KCNMB2: variants seen among roughly 807,000 people sequenced by gnomAD.
KCNMB2 encodes potassium calcium-activated channel subfamily M regulatory beta subunit 2.
In KCNMB2, 9 loss-of-function variants were observed where a neutral mutation model predicts 24.5. That is an observed-to-expected ratio of 0.37 (90% CI 0.22 to 0.64). KCNMB2 has a LOEUF of 0.64. Ranked by LOEUF, KCNMB2 falls within the 30% of genes least tolerant of loss-of-function variation. KCNMB2 has a pLI of 0.63. For missense variants in KCNMB2, 226 were observed against 284.3 expected (o/e 0.79, Z 1.47); for synonymous variants, 109 against 104.4 (o/e 1.04, Z -0.27).
chr3:178,772,563 G>A (rs145747533), intron 1 of KCNMB2, among the ~76,000 whole-genome samples: 24 of 152,304 alleles, frequency 1.6e-4, no homozygotes, highest in East Asian at 5.8e-4. Context: ...TCCCAGCCAC[G>A]TAGAACTGTA....
At chr3:178,678,261 T>C (rs1427863794) in intron 1 of KCNMB2, among the ~76,000 whole-genome samples, 5 of 152,186 alleles carry the variant, frequency 3.3e-5, no homozygotes, top group African/African-American at 7.2e-5. Flanking sequence ...AGTTAGAACA[T>C]AGTTTATTCT....
intron 1 of KCNMB2, among the ~76,000 whole-genome samples, chr3:178,556,287 T>C (rs1716121504): frequency 6.6e-6 from 1 of 152,206 alleles, no homozygotes; most frequent in Non-Finnish European, 1.5e-5. Flanking sequence ...GATGTGGTCA[T>C]TTAAACTTAA....
At chr3:178,774,319 A>AAAAG (rs202058197) in intron 1 of KCNMB2, among the ~76,000 whole-genome samples, 22 of 152,182 alleles carry the variant, frequency 1.4e-4, no homozygotes, top group East Asian at 1.9e-4. Flanking sequence ...ACAAGGTGAA[A>AAAAG]AAAGAAAGAA....
At chr3:178,757,066 C>A (rs1008617147) in intron 1 of KCNMB2, 1 of 150,820 alleles carries the variant, frequency 6.6e-6, no homozygotes. Flanking sequence ...CTCATTACAC[C>A]CATCCTTGCT....
chr3:178,617,598 C>G (rs1470354070), intron 1 of KCNMB2, among the ~76,000 whole-genome samples: 1 of 147,118 alleles, frequency 6.8e-6, no homozygotes, highest in East Asian at 2.1e-4. Flanking sequence ...CAAAAGAAAA[C>G]CCAACACCCA....
At chr3:178,715,266 T>A (rs1439193789) in intron 1 of KCNMB2, among the ~76,000 whole-genome samples, 1 of 152,154 alleles carries the variant, frequency 6.6e-6, no homozygotes, top group Non-Finnish European at 1.5e-5. Flanking sequence ...AGAAGAAAAT[T>A]TAACTCCTAA....
chr3:178,590,496 T>A (rs900033609), intron 1 of KCNMB2, among the ~76,000 whole-genome samples: 29 of 152,210 alleles, frequency 1.9e-4, no homozygotes, highest in Admixed American at 1.9e-3. Flanking sequence ...TTAACTTTTT[T>A]AAAAAATTAA....
At chr3:178,739,795 G>A (rs1222461697) in intron 1 of KCNMB2, among the ~76,000 whole-genome samples, 2 of 152,152 alleles carry the variant, frequency 1.3e-5, no homozygotes, top group Non-Finnish European at 2.9e-5. Flanking sequence ...GCATAAAAGA[G>A]ATGAAGGGAA....
intron 1 of KCNMB2, among the ~76,000 whole-genome samples, chr3:178,730,413 A>G (rs377436298): frequency 1.2e-5 from 1 of 82,326 alleles, no homozygotes; most frequent in African/African-American, 4.7e-5. Context: ...ACACCCCCCC[A>G]CACACACACA....
chr3:178,606,463 T>G (rs1718273683), intron 1 of KCNMB2, among the ~76,000 whole-genome samples: 1 of 115,814 alleles, frequency 8.6e-6, no homozygotes, highest in African/African-American at 4.2e-5. Context: ...GCCTTTCTTC[T>G]TTCCTATTTC....
chr3:178,724,904 A>G (rs1447452545), intron 1 of KCNMB2, among the ~76,000 whole-genome samples: 1 of 152,194 alleles, frequency 6.6e-6, no homozygotes, highest in East Asian at 1.9e-4. Flanking sequence ...TGGTTACTGT[A>G]GCTTTGTAGT....
chr3:178,723,691 C>T (rs1380109331), intron 1 of KCNMB2, among the ~76,000 whole-genome samples: 1 of 152,104 alleles, frequency 6.6e-6, no homozygotes, highest in South Asian at 2.1e-4. Flanking sequence ...ATCTTTGTGT[C>T]CATGTATACC....
At chr3:178,604,517 T>C (rs996596962) in intron 1 of KCNMB2, among the ~76,000 whole-genome samples, 1 of 152,164 alleles carries the variant, frequency 6.6e-6, no homozygotes, top group African/African-American at 2.4e-5. Context: ...TAACCTAAAA[T>C]TACCCTATGG....
intron 4 of KCNMB2, among the ~76,000 whole-genome samples, chr3:178,836,149 C>T (rs1485382105): frequency 6.6e-6 from 1 of 152,028 alleles, no homozygotes; most frequent in African/African-American, 2.4e-5. Context: ...TTTCTTACTG[C>T]CTCCTCCCTT....
chr3:178,618,500 G>T (rs976577804), intron 1 of KCNMB2, among the ~76,000 whole-genome samples: 1 of 152,142 alleles, frequency 6.6e-6, no homozygotes, highest in Admixed American at 6.6e-5. Flanking sequence ...TTGCATTCAG[G>T]GGTCAAGCAT....
At chr3:178,619,134 A>G (rs776514947) in intron 1 of KCNMB2, among the ~76,000 whole-genome samples, 14 of 152,250 alleles carry the variant, frequency 9.2e-5, no homozygotes, top group Non-Finnish European at 1.9e-4. Context: ...CTGAGGATAC[A>G]GAGTAGAGCA....
chr3:178,559,331 T>G (rs1303018900), intron 1 of KCNMB2, among the ~76,000 whole-genome samples: 2 of 152,116 alleles, frequency 1.3e-5, no homozygotes, highest in African/African-American at 4.8e-5. Context: ...TGATGTTAAT[T>G]CACAAGTCTC....
rs1317130322 is a variant in KCNMB2, at chr3:178,741,035, GGAGT to G, written c.-67-66304_-67-66301del. 7.2e-5 allele frequency among the ~76,000 whole-genome samples: 11 copies of G among 152,284 alleles called. 1 individual carries two copies. The highest frequency in any genetic ancestry group is 2.2e-4 in the African/African-American group (9 of 41,572). On this transcript the variant is annotated intron_variant, in intron 1 of 4. Transcript: ENST00000452583. ...GAAACGCATGAAAGCCCAAAAGTAA[GGAGT>G]GAGAGAGAAATATCCTCGACTGTCT...
intron 1 of KCNMB2, among the ~76,000 whole-genome samples, chr3:178,657,506 C>T (rs1042414735): frequency 7.9e-5 from 12 of 152,190 alleles, no homozygotes; most frequent in Non-Finnish European, 1.3e-4. Context: ...CTACCTCAAA[C>T]GAGACCCTTT....
Sources: allele counts gnomAD v4.1 joint callset (sites outside exome capture counted in the v4.1 genomes callset), GRCh38; gene constraint gnomAD v4.1.1; transcripts MANE v1.5; gene names NCBI Gene and HGNC (gene_info 2026-07-23, HGNC 2026-07-21).